The following HDAC8 variants were observed in gnomAD, a reference collection of about 807,000 sequenced individuals.
HDAC8 encodes histone deacetylase 8, also known as histone deacetylase-like 1.
A neutral mutation model predicts 32.2 loss-of-function variants in HDAC8; 1 was observed. The observed-to-expected ratio is 0.03, with a 90% confidence interval of 0.01 to 0.15. HDAC8 has a LOEUF of 0.15. Among genes scored for constraint, HDAC8 ranks in the 10% least tolerant of loss-of-function variants. The pLI is 1.00. For missense variants in HDAC8, 117 were observed against 300.0 expected, an observed-to-expected ratio of 0.39 and a Z score of 4.51; for synonymous variants, 108 against 113.9, an observed-to-expected ratio of 0.95 and a Z score of 0.33.
At chrX:72,371,527 G>T (rs1555956331) in intron 9 of HDAC8, among the ~76,000 whole-genome samples, 2 of 111,339 alleles carry the variant, frequency 1.8e-5, no homozygotes, top group African/African-American at 6.5e-5. Context: ...AGAAATATTT[G>T]TGAGGGATGG....
intron 9 of HDAC8, among the ~76,000 whole-genome samples, chrX:72,371,007 A>G (rs782782732): frequency 2.7e-5 from 3 of 112,054 alleles, no homozygotes; most frequent in African/African-American, 9.7e-5. Context: ...TTTCAATCCA[A>G]TCAGGTTGAC....
chrX:72,412,095 T>G (rs1555970416), intron 9 of HDAC8, among the ~76,000 whole-genome samples: 1 of 112,251 alleles, frequency 8.9e-6, no homozygotes, highest in Admixed American at 9.4e-5. Context: ...CAAGGAAAGT[T>G]ATTTTGGCTC....
At chrX:72,453,422 G>A (rs782687702) in intron 9 of HDAC8, among the ~76,000 whole-genome samples, 1 of 104,204 alleles carries the variant, frequency 9.6e-6, no homozygotes, top group Admixed American at 1.1e-4. Context: ...ATACCACTGC[G>A]CTCAAGCCTG....
chrX:72,502,453 G>A (rs2049252109), intron 4 of HDAC8, among the ~76,000 whole-genome samples: 1 of 111,115 alleles, frequency 9.0e-6, no homozygotes, highest in Non-Finnish European at 1.9e-5. Context: ...CAGACACTGG[G>A]ATCTATTGAG....
chrX:72,444,484 C>CA (rs1479039930), intron 9 of HDAC8, among the ~76,000 whole-genome samples: 1 of 110,936 alleles, frequency 9.0e-6, no homozygotes, highest in Non-Finnish European at 1.9e-5. Context: ...CATAATTCAA[C>CA]ACCCTTCATG....
At chrX:72,360,437 T>C (rs1293847132) in intron 9 of HDAC8, among the ~76,000 whole-genome samples, 1 of 112,375 alleles carries the variant, frequency 8.9e-6, no homozygotes, top group African/African-American at 3.2e-5. Flanking sequence ...TTTTTTATTG[T>C]TAACTCACAG....
At chrX:72,406,375 T>C (rs1372121613) in intron 9 of HDAC8, among the ~76,000 whole-genome samples, 1 of 111,767 alleles carries the variant, frequency 8.9e-6, no homozygotes, top group African/African-American at 3.3e-5. Flanking sequence ...ACAATAGGCA[T>C]GTGTCACTAC....
At chrX:72,345,116 C>T (rs1411697208) in intron 10 of HDAC8, among the ~76,000 whole-genome samples, 2 of 111,457 alleles carry the variant, frequency 1.8e-5, no homozygotes, top group Admixed American at 9.5e-5. Flanking sequence ...TTAAACACCT[C>T]GTATATCTCC....
intron 9 of HDAC8, among the ~76,000 whole-genome samples, chrX:72,429,561 G>A (rs1438118905): frequency 1.8e-5 from 2 of 111,820 alleles, no homozygotes; most frequent in African/African-American, 3.3e-5. Flanking sequence ...GGAGGTGCAC[G>A]CCAGTGAGAA....
chrX:72,416,174 TGAG>T (rs2147912335), intron 9 of HDAC8, among the ~76,000 whole-genome samples: 1 of 110,743 alleles, frequency 9.0e-6, no homozygotes, highest in Non-Finnish European at 1.9e-5. Flanking sequence ...GTTCATTTAT[TGAG>T]GAGTTTTTAA....
chrX:72,380,780 TA>T lies in HDAC8; in HGVS notation c.1006-28943del, dbSNP rs1323013934. 7.0e-3 allele frequency among the ~76,000 whole-genome samples: 748 copies of T among 106,361 alleles called. 4 individuals carry two copies. The highest frequency in any genetic ancestry group is 0.015 in the African/African-American group (441 of 29,338). The allele number at this position is 106,361 out of a possible 115,157, so 92.4% of individuals were successfully genotyped here. ...ATGTTCTGAGTAGCCACAATAAAAA[TA>T]AAAAAAAAACAAGTGAAATTATTTT... On this transcript the variant is annotated intron_variant, in intron 9 of 10. Transcript: ENST00000373573.
intron 4 of HDAC8, among the ~76,000 whole-genome samples, chrX:72,566,201 G>A (rs2051781690): frequency 9.0e-6 from 1 of 111,056 alleles, no homozygotes; most frequent in Non-Finnish European, 1.9e-5. Context: ...GCACATACCT[G>A]TAATGCCAGC....
chrX:72,545,415 A>C (rs1323605066), intron 4 of HDAC8, among the ~76,000 whole-genome samples: 1 of 112,407 alleles, frequency 8.9e-6, no homozygotes, highest in Admixed American at 9.4e-5. Flanking sequence ...TTTAACTGCA[A>C]TTATCACATT....
intron 4 of HDAC8, among the ~76,000 whole-genome samples, chrX:72,536,903 G>A (rs915744985): frequency 3.6e-5 from 4 of 112,088 alleles, no homozygotes; most frequent in Non-Finnish European, 7.5e-5. Flanking sequence ...TAACAGCATA[G>A]TGAGCCAAAC....
At chrX:72,557,652 C>T (rs2051328628) in intron 4 of HDAC8, among the ~76,000 whole-genome samples, 1 of 110,907 alleles carries the variant, frequency 9.0e-6, no homozygotes, top group South Asian at 3.9e-4. Flanking sequence ...AATAGACAAT[C>T]TAAGGGCACA....
intron 10 of HDAC8, among the ~76,000 whole-genome samples, chrX:72,345,697 T>C (rs1184727052): frequency 9.0e-6 from 1 of 111,627 alleles, no homozygotes; most frequent in Non-Finnish European, 1.9e-5. Flanking sequence ...AATTTTTTTT[T>C]GTAGATAGGG....
chrX:72,533,946 GA>G (rs1426893971), intron 4 of HDAC8, among the ~76,000 whole-genome samples: 1 of 111,015 alleles, frequency 9.0e-6, no homozygotes, highest in Non-Finnish European at 1.9e-5. Context: ...ATCAGGAACA[GA>G]AAAGGATGCC....
rs782142009 is a variant in HDAC8 at position 72,464,611 on chromosome X, C to T, written c.858G>A (p.Lys286=). 8.3e-7 allele frequency: 1 copy of T among 1,208,851 alleles called. No homozygotes were observed. Among genetic ancestry groups the T allele is most frequent in the East Asian group, 3.0e-5 (1 of 33,847 alleles). The part of the protein sequence containing the change: ...SFNMTPVGIG[K]CLKYILQWQL... ...GCCATTGAAGGATGTACTTAAGACA[C>T]TTGCCAATTCCCACTGGAGTCATGT... The change falls in exon 8 of 11, where the codon AAG becomes AAA. Residue 286 remains lysine, a synonymous_variant. Transcript: ENST00000373573.
chrX:72,376,961 ATT>A (rs1168240160), intron 9 of HDAC8: 2 of 108,084 alleles, frequency 1.9e-5, no homozygotes, highest in Non-Finnish European at 3.8e-5. Flanking sequence ...TTTTCTTTTA[ATT>A]TTTTTTTCTT....
Sources: gnomAD v4.1 joint callset for allele counts (sites outside exome capture counted in the v4.1 genomes callset) on GRCh38, gnomAD v4.1.1 for gene constraint, MANE v1.5 for transcripts, NCBI Gene and HGNC (gene_info 2026-07-23, HGNC 2026-07-21) for gene names.